The following PKP4 variants were observed in gnomAD, a reference collection of about 807,000 sequenced individuals.
PKP4 encodes the protein plakophilin-4.
A neutral mutation model predicts 145.1 loss-of-function variants in PKP4; 90 were observed. That is an observed-to-expected ratio of 0.62 (90% confidence interval 0.52 to 0.74). PKP4 has a LOEUF of 0.74. Ranked by LOEUF, PKP4 falls within the 30% of genes least tolerant of loss-of-function variation. The pLI is 0.00. For missense variants in PKP4, 1,340 were observed against 1,482.7 expected (o/e 0.90, Z 1.58); for synonymous variants, 563 against 577.2 (o/e 0.98, Z 0.35).
chr2:158,457,276 C>G (rs1257594114), intron 1 of PKP4, 58 bp downstream of exon 1: 2 of 151,672 alleles, frequency 1.3e-5, no homozygotes, highest in Admixed American at 6.6e-5. Flanking sequence ...ACCCTCGGCC[C>G]TCGCCCCGAA....
chr2:158,621,676 G>A (rs2052266025), intron 6 of PKP4, among the ~76,000 whole-genome samples: 1 of 151,418 alleles, frequency 6.6e-6, no homozygotes, highest in Admixed American at 6.6e-5. Context: ...AGCCCAGGAG[G>A]CAGAGCTTGC....
chr2:158,666,578 C>T lies in PKP4; in HGVS notation c.2728+15C>T, dbSNP rs368532664. On this transcript the variant is annotated intron_variant, in intron 16 of 21. Transcript: ENST00000389759. ...GGAGCTCATAGGTATGTTCTGGTGA[C>T]AAGATGAGCTGTAAATGTGAGAGCA... 3 of 1,583,904 alleles carry T rather than the reference C, an allele frequency of 1.9e-6. No individual in the cohort carries two copies. Among genetic ancestry groups the T allele is most frequent in the African/African-American group, 2.7e-5 (2 of 73,142 alleles).
intron 2 of PKP4, among the ~76,000 whole-genome samples, chr2:158,547,169 C>G (rs182177895): frequency 1.3e-5 from 2 of 152,210 alleles, no homozygotes; most frequent in Admixed American, 6.5e-5. Flanking sequence ...CAGCAGTTCT[C>G]CTGGGTCACA....
At chr2:158,526,310 G>C (rs1271238102) in intron 1 of PKP4, among the ~76,000 whole-genome samples, 2 of 134,754 alleles carry the variant, frequency 1.5e-5, no homozygotes, top group African/African-American at 5.7e-5. Context: ...TTCATCCCTG[G>C]GATGTAAGGC....
At chr2:158,675,543 G>C (rs2057933708) in intron 19 of PKP4, among the ~76,000 whole-genome samples, 1 of 152,164 alleles carries the variant, frequency 6.6e-6, no homozygotes, top group Non-Finnish European at 1.5e-5. Flanking sequence ...TGCCTTTTGG[G>C]ATTCTAGTCA....
chr2:158,609,161 G>A (rs1056433422), intron 4 of PKP4, among the ~76,000 whole-genome samples: 1 of 151,952 alleles, frequency 6.6e-6, no homozygotes, highest in Non-Finnish European at 1.5e-5. Flanking sequence ...ATAACTTTGA[G>A]TATATATTAA....
rs2058373169 is a variant in PKP4, at chr2:158,680,523, CT to C, written c.3427del (p.Tyr1143IlefsTer20). On this transcript the variant is annotated frameshift_variant, in exon 22 of 22. Transcript: ENST00000389759. LOFTEE classifies it high-confidence loss of function. ...CAGTCTCCTCATAGCTATGAAGATC[CT>C]TATTTTGATGACCGAGTTCACTTTC... is the stretch of plus-strand genomic sequence containing the variant. ...YLQSPHSYED[P>X]YFDDRVHFPA... 6.2e-7 allele frequency: 1 copy of C among 1,613,964 alleles called. No homozygotes were observed. Among genetic ancestry groups the C allele is most frequent in the South Asian group, 1.1e-5 (1 of 91,080 alleles).
chr2:158,571,028 C>A (rs1305957978), intron 2 of PKP4, among the ~76,000 whole-genome samples: 2 of 152,088 alleles, frequency 1.3e-5, no homozygotes, highest in Non-Finnish European at 2.9e-5. Flanking sequence ...AGGGACACTC[C>A]CTCCACTAAG....
intron 15 of PKP4, 67 bp from the exon 16 acceptor site, chr2:158,666,346 A>G: frequency 7.9e-7 from 1 of 1,264,864 alleles, no homozygotes; most frequent in Non-Finnish European, 1.1e-6. Flanking sequence ...CATCTTTTTT[A>G]GGTGACAGTA....
intron 7 of PKP4, among the ~76,000 whole-genome samples, chr2:158,630,786 A>T (rs767895200): frequency 1.3e-5 from 2 of 152,212 alleles, no homozygotes; most frequent in Admixed American, 1.3e-4. Context: ...AGTGAAAATG[A>T]TATAATAATA....
At chr2:158,475,882 C>G (rs1692392927) in intron 1 of PKP4, among the ~76,000 whole-genome samples, 1 of 152,188 alleles carries the variant, frequency 6.6e-6, no homozygotes, top group South Asian at 2.1e-4. Context: ...CCAATACAGA[C>G]TGTTATGATT....
At chr2:158,591,947 A>C (rs1169670015) in intron 3 of PKP4, among the ~76,000 whole-genome samples, 1 of 152,100 alleles carries the variant, frequency 6.6e-6, no homozygotes. Flanking sequence ...AGAAACCTGG[A>C]CATTAAAGCT....
chr2:158,638,734 T>TA (rs1488132937), intron 9 of PKP4, among the ~76,000 whole-genome samples: 1 of 152,178 alleles, frequency 6.6e-6, no homozygotes, highest in East Asian at 1.9e-4. Flanking sequence ...ATGGATTTGG[T>TA]ATATGTTAAA....
chr2:158,532,108 G>T (rs572560213), intron 1 of PKP4, among the ~76,000 whole-genome samples: 1 of 152,042 alleles, frequency 6.6e-6, no homozygotes, highest in African/African-American at 2.4e-5. Context: ...GAGGGAATGG[G>T]GTAACAAGTC....
intron 2 of PKP4, among the ~76,000 whole-genome samples, chr2:158,542,889 G>C (rs1300208013): frequency 6.6e-6 from 1 of 152,118 alleles, no homozygotes; most frequent in Non-Finnish European, 1.5e-5. Flanking sequence ...GAGAATCAGT[G>C]ATCTCTATGG....
At chr2:158,496,466 T>C (rs1435032114) in intron 1 of PKP4, among the ~76,000 whole-genome samples, 1 of 152,294 alleles carries the variant, frequency 6.6e-6, no homozygotes, top group East Asian at 1.9e-4. Flanking sequence ...AAATCAAAAG[T>C]GGTGGTAGAT....
chr2:158,460,153 G>A (rs1223385852), intron 1 of PKP4, among the ~76,000 whole-genome samples: 1 of 151,978 alleles, frequency 6.6e-6, no homozygotes, highest in Non-Finnish European at 1.5e-5. Flanking sequence ...GGAAAACAAG[G>A]GAAGAAGAAA....
chr2:158,583,453 G>T (rs6437190), intron 3 of PKP4, among the ~76,000 whole-genome samples: 113,532 of 152,108 alleles, frequency 0.75, 43,187 homozygotes, highest in East Asian at 0.92. Context: ...AGTTGTAAAG[G>T]TCAGGAAAGT....
At chr2:158,491,466 T>C (rs1168181363) in intron 1 of PKP4, among the ~76,000 whole-genome samples, 1 of 152,122 alleles carries the variant, frequency 6.6e-6, no homozygotes, top group African/African-American at 2.4e-5. Flanking sequence ...CTTGATAATG[T>C]CTTCATCTGC....
Sources: allele counts gnomAD v4.1 joint callset (sites outside exome capture counted in the v4.1 genomes callset), GRCh38; gene constraint gnomAD v4.1.1; transcripts MANE v1.5; gene names NCBI Gene and HGNC (gene_info 2026-07-23, HGNC 2026-07-21).